LGSN: variants seen among roughly 807,000 people sequenced by gnomAD.
LGSN encodes the protein lengsin, lens protein with glutamine synthetase domain, also known as lengsin.
A neutral mutation model predicts 19.5 loss-of-function variants in LGSN; 21 were observed. That is an observed-to-expected ratio of 1.07 (90% CI 0.76 to 1.55). The LOEUF is 1.55. Among genes scored for constraint, LGSN ranks in the 40% most tolerant of loss-of-function variants. The pLI is 0.00. For missense variants in LGSN, 673 were observed against 608.5 expected (o/e 1.11, Z -1.12); for synonymous variants, 257 against 215.6 (o/e 1.19, Z -1.68).
At chr6:63,540,727 T>C in the LGSN span, among the ~76,000 whole-genome samples, 1 of 151,588 alleles carries the variant, frequency 6.6e-6, no homozygotes, top group Non-Finnish European at 1.5e-5. Flanking sequence ...CAAAACAGGA[T>C]GCATATTAAA....
chr6:63,289,751 G>A (rs1458558195), intron 2 of LGSN, among the ~76,000 whole-genome samples: 2 of 152,130 alleles, frequency 1.3e-5, no homozygotes, highest in African/African-American at 4.8e-5. Flanking sequence ...ACATATAAAA[G>A]GGAGATTGAA....
At chr6:63,311,765 C>T (rs1204675422) in intron 1 of LGSN, among the ~76,000 whole-genome samples, 1 of 152,130 alleles carries the variant, frequency 6.6e-6, no homozygotes, top group Non-Finnish European at 1.5e-5. Flanking sequence ...TACACATTTT[C>T]CATGAACTTT....
At chr6:63,534,171 G>A in the LGSN span, among the ~76,000 whole-genome samples, 1 of 151,864 alleles carries the variant, frequency 6.6e-6, no homozygotes, top group Non-Finnish European at 1.5e-5. Flanking sequence ...TGTGGAAACT[G>A]CCATTCATCA....
At chr6:63,494,872 T>C in the LGSN span, among the ~76,000 whole-genome samples, 1 of 152,244 alleles carries the variant, frequency 6.6e-6, no homozygotes, top group Admixed American at 6.5e-5. Flanking sequence ...TTAGATAATA[T>C]CAGTAGAACA....
At chr6:63,341,532 G>A in the LGSN span, among the ~76,000 whole-genome samples, 448 of 152,254 alleles carry the variant, frequency 2.9e-3, 3 homozygotes, top group African/African-American at 0.01. Flanking sequence ...AGGCTCTGGG[G>A]ATTATGCATT....
the LGSN span, among the ~76,000 whole-genome samples, chr6:63,547,819 GA>G: frequency 6.6e-6 from 1 of 151,922 alleles, no homozygotes; most frequent in East Asian, 1.9e-4. Flanking sequence ...CCCAGGGGGG[GA>G]TTTGTTAATG....
the LGSN span, among the ~76,000 whole-genome samples, chr6:63,473,781 A>G: frequency 1.4e-4 from 20 of 147,586 alleles, 1 homozygote; most frequent in South Asian, 4.4e-3. Flanking sequence ...TGTCTCACAC[A>G]TGTCCTTCTT....
chr6:63,510,438 G>A, the LGSN span, among the ~76,000 whole-genome samples: 1 of 147,598 alleles, frequency 6.8e-6, no homozygotes, highest in East Asian at 2.0e-4. Context: ...TCTTTCTATG[G>A]TTTGACTACC....
chr6:63,400,391 C>G, the LGSN span, among the ~76,000 whole-genome samples: 1 of 152,146 alleles, frequency 6.6e-6, no homozygotes, highest in Admixed American at 6.5e-5. Context: ...AGGAATATAG[C>G]AGAGGTCCTA....
At chr6:63,424,514 C>T in the LGSN span, among the ~76,000 whole-genome samples, 1 of 147,024 alleles carries the variant, frequency 6.8e-6, no homozygotes, top group Non-Finnish European at 1.5e-5. Context: ...ACCAGACACA[C>T]ACACACACAC....
the LGSN span, chr6:63,392,685 T>C: frequency 1.3e-5 from 2 of 151,916 alleles, no homozygotes; most frequent in African/African-American, 2.4e-5. Context: ...CTGGGTAAAA[T>C]TGATAAAGGA....
At chr6:63,546,320 A>C in the LGSN span, among the ~76,000 whole-genome samples, 1 of 152,230 alleles carries the variant, frequency 6.6e-6, no homozygotes, top group South Asian at 2.1e-4. Context: ...CACATGTGAA[A>C]TCTAACAAAG....
intron 1 of LGSN, among the ~76,000 whole-genome samples, chr6:63,312,912 C>T (rs574645384): frequency 1.1e-4 from 16 of 152,176 alleles, no homozygotes; most frequent in African/African-American, 3.6e-4. Flanking sequence ...AAAGCAAAGA[C>T]TTGAGAAAGG....
the LGSN span, among the ~76,000 whole-genome samples, chr6:63,375,891 G>A: frequency 3.3e-5 from 5 of 152,168 alleles, no homozygotes; most frequent in African/African-American, 1.2e-4. Context: ...CTATGTTGTA[G>A]GTATCATGAT....
the LGSN span, among the ~76,000 whole-genome samples, chr6:63,537,298 A>G: frequency 6.6e-6 from 1 of 152,192 alleles, no homozygotes; most frequent in African/African-American, 2.4e-5. Context: ...TTCCAGACCT[A>G]GTGAACCAGA....
the LGSN span, among the ~76,000 whole-genome samples, chr6:63,375,125 T>A: frequency 6.6e-6 from 1 of 152,150 alleles, no homozygotes; most frequent in African/African-American, 2.4e-5. Flanking sequence ...AAGAATTAAT[T>A]CCGTTTTTGT....
the LGSN span, among the ~76,000 whole-genome samples, chr6:63,347,306 T>C: frequency 2.9e-3 from 449 of 152,286 alleles, 3 homozygotes; most frequent in African/African-American, 0.01. Context: ...TTAAAACCAG[T>C]CTTTTTTAAA....
At chr6:63,329,965 A>G in the LGSN span, among the ~76,000 whole-genome samples, 6 of 152,320 alleles carry the variant, frequency 3.9e-5, no homozygotes, top group East Asian at 1.2e-3. Flanking sequence ...AGGCCGCGCT[A>G]GTGTCCAGGA....
At chr6:63,495,086 C>G in the LGSN span, among the ~76,000 whole-genome samples, 1 of 151,996 alleles carries the variant, frequency 6.6e-6, no homozygotes, top group Admixed American at 6.6e-5. Context: ...ATTGACACAG[C>G]ACTGTACTAG....
Sources: allele counts gnomAD v4.1 joint callset (sites outside exome capture counted in the v4.1 genomes callset), GRCh38; gene constraint gnomAD v4.1.1; transcripts MANE v1.5; gene names NCBI Gene and HGNC (gene_info 2026-07-23, HGNC 2026-07-21).